Variants in BTBD3 observed in about 807,000 individuals in gnomAD.
BTBD3 encodes BTB/POZ domain-containing protein 3.
Under a neutral mutation model 41.6 loss-of-function variants are expected in BTBD3, and 14 were observed. That is an observed-to-expected ratio of 0.34 (90% CI 0.22 to 0.53). The LOEUF is 0.53. Among genes scored for constraint, BTBD3 ranks in the 20% least tolerant of loss-of-function variants. The probability of loss-of-function intolerance (pLI) is 0.95; values close to 1 mark genes in which losing one functional copy is unlikely to be tolerated. For synonymous variants in BTBD3, 249 were observed against 233.7 expected (o/e 1.07, Z -0.60); for missense variants, 426 against 654.7 (o/e 0.65, Z 3.81).
intron 1 of BTBD3, among the ~76,000 whole-genome samples, chr20:11,899,465 A>G (rs2056810581): frequency 6.6e-6 from 1 of 152,150 alleles, no homozygotes; most frequent in Non-Finnish European, 1.5e-5. Flanking sequence ...GTGGATGAGC[A>G]CTGTATTTGA....
intron 1 of BTBD3, among the ~76,000 whole-genome samples, chr20:11,901,445 C>A (rs894814355): frequency 3.9e-5 from 6 of 152,188 alleles, no homozygotes; most frequent in Middle Eastern, 3.2e-3. Context: ...CACTTTTGAT[C>A]CCTATGCAGT....
intron 1 of BTBD3, among the ~76,000 whole-genome samples, chr20:11,895,383 T>A (rs114104468): frequency 1.3e-5 from 2 of 152,218 alleles, no homozygotes; most frequent in African/African-American, 4.8e-5. Context: ...TATTGTAAAA[T>A]AGATGGTCTT....
intron 1 of BTBD3, among the ~76,000 whole-genome samples, chr20:11,911,161 A>G (rs1218799382): frequency 6.6e-6 from 1 of 152,006 alleles, no homozygotes; most frequent in African/African-American, 2.4e-5. Flanking sequence ...AAAAAGCCTA[A>G]TAGTTACACT....
chr20:11,916,264 T>C (rs1394858244), upstream of BTBD3, among the ~76,000 whole-genome samples: 1 of 152,198 alleles, frequency 6.6e-6, no homozygotes, highest in Admixed American at 6.5e-5. Flanking sequence ...AAGAGAGAAA[T>C]CCTTTAGTGT....
chr20:11,894,893 A>G (rs984156562), intron 1 of BTBD3, among the ~76,000 whole-genome samples: 1 of 152,200 alleles, frequency 6.6e-6, no homozygotes, highest in Non-Finnish European at 1.5e-5. Flanking sequence ...TTATTTTACA[A>G]TAAGGCTTTT....
At chr20:11,903,394 G>A (rs1272092904) in intron 1 of BTBD3, among the ~76,000 whole-genome samples, 1 of 152,200 alleles carries the variant, frequency 6.6e-6, no homozygotes, top group Non-Finnish European at 1.5e-5. Context: ...GATTTTCAGA[G>A]AGAGATGTTT....
intron 1 of BTBD3, among the ~76,000 whole-genome samples, chr20:11,891,752 C>T (rs955156612): frequency 2.0e-5 from 3 of 152,206 alleles, no homozygotes; most frequent in Non-Finnish European, 4.4e-5. Context: ...ATTTATCAAG[C>T]AACCCATTGT....
chr20:11,894,348 T>C (rs977186278), intron 1 of BTBD3, among the ~76,000 whole-genome samples: 1 of 152,232 alleles, frequency 6.6e-6, no homozygotes, highest in Non-Finnish European at 1.5e-5. Context: ...TTATGACTCT[T>C]GTGGCTTGTT....
chr20:11,890,980 G>T (rs1226246896), intron 1 of BTBD3: 5 of 981,722 alleles, frequency 5.1e-6, no homozygotes, highest in Non-Finnish European at 6.0e-6. Flanking sequence ...GCGGGCGAGC[G>T]GGTCGGCGCC....
chr20:11,901,669 A>G (rs756368957), intron 1 of BTBD3, among the ~76,000 whole-genome samples: 26 of 152,196 alleles, frequency 1.7e-4, no homozygotes, highest in Non-Finnish European at 3.2e-4. Context: ...ATCCCCCCAA[A>G]ATGTCAGAAT....
In BTBD3 at chr20:11,925,494, T is replaced by C. The variant is rs1384845939; in HGVS notation, c.*1828T>C. On this transcript the variant is annotated 3_prime_UTR_variant, in exon 4 of 4. Transcript: ENST00000378226. Reference sequence around the variant, plus strand: ...TCTATTAGCATAGATGATGAAAAGCTGTTACTGGTGATTATAGATGAGTAT... The same window carrying C: ...TCTATTAGCATAGATGATGAAAAGCCGTTACTGGTGATTATAGATGAGTAT... 6.6e-6 allele frequency: 1 copy of C among 152,670 alleles called. No homozygotes were observed. The highest frequency in any genetic ancestry group is 1.9e-4 in the East Asian group (1 of 5,206). The allele number at this position is 152,670 out of a possible 1,614,324, so 9.5% of individuals were successfully genotyped here.
chr20:11,912,181 G>A (rs1003578479), intron 1 of BTBD3, among the ~76,000 whole-genome samples: 2 of 152,188 alleles, frequency 1.3e-5, no homozygotes, highest in African/African-American at 4.8e-5. Flanking sequence ...CAACCTTGGT[G>A]CTGGAATTCA....
intron 1 of BTBD3, among the ~76,000 whole-genome samples, chr20:11,904,378 C>G (rs566506759): frequency 6.6e-6 from 1 of 152,154 alleles, no homozygotes; most frequent in Non-Finnish European, 1.5e-5. Flanking sequence ...GGTGGAAATC[C>G]ACCCCTATGA....
intron 1 of BTBD3, among the ~76,000 whole-genome samples, chr20:11,901,589 T>C (rs997425473): frequency 6.6e-6 from 1 of 152,240 alleles, no homozygotes; most frequent in Admixed American, 6.5e-5. Flanking sequence ...TCAATAAGTA[T>C]TTCTGTGGGA....
rs765151202 is a variant in BTBD3 at position 11,919,869 on chromosome 20, G to A, written c.536+33G>A. The A allele has an allele frequency of 1.9e-6, 3 of 1,564,512 alleles. No individual in the cohort carries two copies. In the Admixed American group the frequency reaches 5.0e-5, roughly 26 times the overall value. On this transcript the variant is annotated intron_variant, in intron 3 of 3. Transcript: ENST00000378226. ...TCATTCGTGTGTTTGGAAAGAGTTT[G>A]TTTATGCTGTATTTGTACCCTGCTG...
At position 11,922,901 on chromosome 20, in the gene BTBD3, A is replaced by G; in HGVS notation, c.804A>G (p.Thr268=). Reference sequence around the variant, plus strand: ...GATTCTGCGATATTGACTTCCAGACACTAGAAAGTATTCTCCGTAGGGAAA... The same window carrying G: ...GATTCTGCGATATTGACTTCCAGACGCTAGAAAGTATTCTCCGTAGGGAAA... ...SEGFCDIDFQ[T]LESILRRETL... is the part of the protein sequence containing the mutation. Residue 268 remains threonine (T), a synonymous_variant, in exon 4 of 4, where the codon ACA becomes ACG. Transcript: ENST00000378226. The G allele has an allele frequency of 3.7e-6, 6 of 1,614,264 alleles. No individual in the cohort carries two copies. The highest frequency in any genetic ancestry group is 5.1e-6 in the Non-Finnish European group (6 of 1,180,048).
At chr20:11,902,424 G>A (rs750861636) in intron 1 of BTBD3, among the ~76,000 whole-genome samples, 1 of 152,002 alleles carries the variant, frequency 6.6e-6, no homozygotes, top group African/African-American at 2.4e-5. Context: ...TATGCTTCTC[G>A]GAAGCACTTC....
Position 11,890,933 on chromosome 20 carries a change from G to A in BTBD3, c.-147G>A, listed in dbSNP as rs949302746. 5.1e-6 allele frequency: 5 copies of A among 984,562 alleles called. No individual in the cohort carries two copies. In the African/African-American group the frequency reaches 7.0e-5, roughly 14 times the overall value. The allele number at this position is 984,562 out of a possible 1,614,324, so 61.0% of individuals were successfully genotyped here. ...AAGGCGGCGGACGGCTGCGTCGCCC[G>A]AGGCGAGGAGGAGCGCTGGCGGTGA... is the stretch of plus-strand genomic sequence containing the variant. On this transcript the variant is annotated 5_prime_UTR_variant, in exon 1 of 5. Coordinates refer to the BTBD3 transcript ENST00000254977.
intron 1 of BTBD3, among the ~76,000 whole-genome samples, chr20:11,900,110 A>G (rs144226962): frequency 6.6e-6 from 1 of 152,374 alleles, no homozygotes; most frequent in African/African-American, 2.4e-5. Context: ...AGCGGTGATT[A>G]CCATGCACAT....
Sources: gnomAD v4.1 joint callset for allele counts (sites outside exome capture counted in the v4.1 genomes callset) on GRCh38, gnomAD v4.1.1 for gene constraint, MANE v1.5 for transcripts, NCBI Gene and HGNC (gene_info 2026-07-23, HGNC 2026-07-21) for gene names.